Variants in AFF1 observed in about 807,000 individuals in gnomAD.
AFF1 encodes AF4/FMR2 family member 1.
AFF1 carries 48 observed loss-of-function variants against 121.7 expected under a neutral mutation model. That is an observed-to-expected ratio of 0.39 (90% CI 0.31 to 0.50). The LOEUF is 0.50. AFF1 is among the 20% of genes least tolerant of loss of function. AFF1 has a pLI of 0.76. For synonymous variants in AFF1, 613 were observed against 563.0 expected (o/e 1.09, Z -1.26); for missense variants, 1,523 against 1,511.7 (o/e 1.01, Z -0.12).
chr4:87,008,483 A>G (rs985350428), intron 2 of AFF1, among the ~76,000 whole-genome samples: 1 of 152,212 alleles, frequency 6.6e-6, no homozygotes, highest in Non-Finnish European at 1.5e-5. Context: ...TCTTCTTCTC[A>G]ACACAGTGGT....
chr4:86,990,615 T>C (rs1724625436), intron 2 of AFF1, among the ~76,000 whole-genome samples: 1 of 152,016 alleles, frequency 6.6e-6, no homozygotes, highest in Non-Finnish European at 1.5e-5. Flanking sequence ...GTGAAAGGAG[T>C]ATCTTGTAGA....
At position 87,114,848 on chromosome 4, in the gene AFF1, C is replaced by A. The variant is rs201090605; in HGVS notation, c.2015C>A (p.Pro672His). The A allele has an allele frequency of 3.8e-5, 61 of 1,613,812 alleles. No homozygotes were observed. The highest frequency in any genetic ancestry group is 3.6e-4 in the South Asian group (33 of 91,072). Residue 672 changes from proline (P) to histidine (H), a missense_variant, in exon 12 of 21, where the codon CCC (proline) becomes CAC (histidine). Pro to His is a moderately conservative substitution (Grantham distance 77). Coordinates refer to ENST00000395146, the MANE Select transcript of AFF1 (RefSeq NM_001166693.3). ...AACGAACCCAAGCCAGCAGTGCCCC[C>A]CTCCAGTGAGAAGAAGAAGCACAAG... ...ASNEPKPAVP[P>H]SSEKKKHKSS...
At chr4:87,109,866 T>TTG (rs1329682771) in intron 11 of AFF1, among the ~76,000 whole-genome samples, 1 of 152,236 alleles carries the variant, frequency 6.6e-6, no homozygotes, top group East Asian at 1.9e-4. Context: ...AAGGCTAGTA[T>TTG]TGTTATGTAT....
intron 2 of AFF1, among the ~76,000 whole-genome samples, chr4:86,968,288 C>T (rs924406035): frequency 2.0e-5 from 3 of 152,078 alleles, no homozygotes; most frequent in African/African-American, 7.2e-5. Context: ...TGATTATGAG[C>T]TAGCAGACAC....
At chr4:87,025,777 CT>C (rs1310423448) in intron 2 of AFF1, among the ~76,000 whole-genome samples, 1 of 152,198 alleles carries the variant, frequency 6.6e-6, no homozygotes, top group Non-Finnish European at 1.5e-5. Flanking sequence ...AACTCTCGCT[CT>C]GCAGGTTTCG....
At chr4:87,131,902 T>C in intron 18 of AFF1, 38 bp downstream of exon 18, 2 of 1,468,598 alleles carry the variant, frequency 1.4e-6, no homozygotes, top group Non-Finnish European at 1.8e-6. Context: ...ACTAAATTTG[T>C]TTTTGCATCT....
At chr4:87,072,017 C>T (rs189172323) in intron 4 of AFF1, among the ~76,000 whole-genome samples, 6 of 151,718 alleles carry the variant, frequency 4.0e-5, no homozygotes, top group South Asian at 4.2e-4. Flanking sequence ...CAGAGGCAGA[C>T]GATGAGAGAA....
At chr4:87,070,576 G>A (rs1054972455) in intron 4 of AFF1, among the ~76,000 whole-genome samples, 2 of 152,244 alleles carry the variant, frequency 1.3e-5, no homozygotes, top group African/African-American at 4.8e-5. Context: ...GTATGTGTGC[G>A]TATGCATTTA....
chr4:87,006,935 T>G, intron 2 of AFF1: 2 of 1,020,856 alleles, frequency 2.0e-6, no homozygotes, highest in South Asian at 8.9e-5. Flanking sequence ...CCACCGCAAC[T>G]TTCTTGACAG....
At chr4:87,072,134 T>C (rs930174740) in intron 4 of AFF1, among the ~76,000 whole-genome samples, 3 of 152,022 alleles carry the variant, frequency 2.0e-5, no homozygotes, top group African/African-American at 7.2e-5. Flanking sequence ...GAGGCCGAGG[T>C]GGGCGGATCA....
chr4:87,037,397 C>T (rs1729673691), intron 2 of AFF1, among the ~76,000 whole-genome samples: 1 of 152,090 alleles, frequency 6.6e-6, no homozygotes, highest in African/African-American at 2.4e-5. Context: ...CTGCAACCTC[C>T]ACCTCCTGGG....
intron 5 of AFF1, among the ~76,000 whole-genome samples, chr4:87,087,889 A>G (rs919399040): frequency 4.2e-5 from 3 of 71,000 alleles, no homozygotes; most frequent in Non-Finnish European, 1.1e-4. Flanking sequence ...TTGTAACATT[A>G]TAATGGTTCT....
At chr4:86,969,064 G>C (rs896298902) in intron 2 of AFF1, among the ~76,000 whole-genome samples, 1 of 152,228 alleles carries the variant, frequency 6.6e-6, no homozygotes, top group African/African-American at 2.4e-5. Context: ...GCCTCTCCAC[G>C]GAGCGCCTCC....
chr4:87,100,453 C>T (rs1452244093), intron 8 of AFF1, among the ~76,000 whole-genome samples: 1 of 152,132 alleles, frequency 6.6e-6, no homozygotes, highest in Non-Finnish European at 1.5e-5. Flanking sequence ...TGCTCTCTCC[C>T]TCCTTTCAGC....
chr4:86,972,624 A>G (rs62306466), intron 2 of AFF1, among the ~76,000 whole-genome samples: 20,168 of 152,098 alleles, frequency 0.13, 1,805 homozygotes, highest in Non-Finnish European at 0.19. Context: ...TGTAACCTCC[A>G]TCTCCTGGGT....
intron 12 of AFF1, among the ~76,000 whole-genome samples, chr4:87,120,564 A>T (rs182261798): frequency 6.6e-6 from 1 of 152,274 alleles, no homozygotes; most frequent in African/African-American, 2.4e-5. Flanking sequence ...TCTTTTTCAC[A>T]TGTGTTTTCT....
chr4:86,999,297 C>G (rs554735656), intron 2 of AFF1, among the ~76,000 whole-genome samples: 127 of 152,090 alleles, frequency 8.4e-4, no homozygotes, highest in Non-Finnish European at 1.4e-3. Context: ...GCTTTTATTC[C>G]CAAGGAAGGA....
Position 87,137,680 on chromosome 4 carries a change from C to G in AFF1, c.*1979C>G. On this transcript the variant is annotated 3_prime_UTR_variant, in exon 21 of 21. Coordinates refer to ENST00000395146, the MANE Select transcript of AFF1 (RefSeq NM_001166693.3). ...CCTGTGTTAAATGAACAGTAATTGC[C>G]TGGTAGGTTTGGTGTGTGTGTAGCA... The G allele has an allele frequency of 4.3e-6, 1 of 232,546 alleles. No individual in the cohort carries two copies. Among genetic ancestry groups the G allele is most frequent in the Admixed American group, 5.6e-5 (1 of 17,776 alleles). 14.4% of individuals were successfully genotyped at this position (232,546 alleles called of 1,614,324 possible). A position where few individuals can be genotyped will look rare whatever the true frequency, so the allele number is the denominator to read the frequency against.
intron 1 of AFF1, among the ~76,000 whole-genome samples, chr4:86,941,395 C>T (rs996277793): frequency 1.3e-5 from 2 of 152,084 alleles, no homozygotes; most frequent in African/African-American, 2.4e-5. Context: ...CAGTGGGTCA[C>T]GCCTGTAATC....
Sources: gnomAD v4.1 joint callset for allele counts (sites outside exome capture counted in the v4.1 genomes callset) on GRCh38, gnomAD v4.1.1 for gene constraint, MANE v1.5 for transcripts, NCBI Gene and HGNC (gene_info 2026-07-23, HGNC 2026-07-21) for gene names.